Variants in ALPK1 observed in about 807,000 individuals in gnomAD.
ALPK1 encodes alpha-protein kinase 1.
Under a neutral mutation model 120.6 loss-of-function variants are expected in ALPK1, and 110 were observed. That is an observed-to-expected ratio of 0.91 (90% confidence interval 0.78 to 1.07). ALPK1 has a LOEUF of 1.07. Ranked by LOEUF, ALPK1 falls within the 50% of genes least tolerant of loss-of-function variation. The probability of loss-of-function intolerance (pLI) is 0.00; values close to 1 mark genes in which losing one functional copy is unlikely to be tolerated. For missense variants in ALPK1, 1,498 were observed against 1,483.9 expected, an observed-to-expected ratio of 1.01 and a Z score of -0.16; for synonymous variants, 582 against 560.3, an observed-to-expected ratio of 1.04 and a Z score of -0.55.
At chr4:112,421,261 A>G (rs1045053799) in intron 5 of ALPK1, among the ~76,000 whole-genome samples, 9 of 152,198 alleles carry the variant, frequency 5.9e-5, no homozygotes, top group African/African-American at 1.9e-4. Context: ...TCCTTTAAAT[A>G]CTTTCTAGCT....
chr4:112,354,087 T>C (rs1418976529), intron 2 of ALPK1, among the ~76,000 whole-genome samples: 1 of 152,202 alleles, frequency 6.6e-6, no homozygotes, highest in Non-Finnish European at 1.5e-5. Flanking sequence ...AGAAATTCTT[T>C]ATATATTCAG....
intron 4 of ALPK1, chr4:112,384,576 T>C (rs1173318378): frequency 1.3e-5 from 2 of 152,248 alleles, no homozygotes; most frequent in Admixed American, 1.3e-4. Context: ...TCATCTGAAA[T>C]CTGGTCAGAA....
chr4:112,361,094 AC>A (rs370257151), intron 2 of ALPK1, among the ~76,000 whole-genome samples: 215 of 152,320 alleles, frequency 1.4e-3, no homozygotes, highest in African/African-American at 4.8e-3. Context: ...AGGAGGCAGG[AC>A]TAACTTGCAG....
At chr4:112,319,003 T>C (rs530829744) in intron 2 of ALPK1, among the ~76,000 whole-genome samples, 18 of 152,282 alleles carry the variant, frequency 1.2e-4, no homozygotes, top group Admixed American at 2.6e-4. Context: ...TAGGCAACAA[T>C]GAGCCAGGAG....
chr4:112,424,939 A>G (rs1375036248), intron 6 of ALPK1: 3 of 152,232 alleles, frequency 2.0e-5, no homozygotes, highest in African/African-American at 7.2e-5. Context: ...TTTGCCTCAC[A>G]CTGGACAGTC....
At chr4:112,440,507 G>A (rs551862011) in intron 14 of ALPK1, among the ~76,000 whole-genome samples, 2 of 141,242 alleles carry the variant, frequency 1.4e-5, no homozygotes, top group East Asian at 4.5e-4. Context: ...TAGAGTGTCT[G>A]CACTCAATAA....
Position 112,431,357 on chromosome 4 carries a change from G to C in ALPK1, c.1810G>C (p.Asp604His). The C allele has an allele frequency of 6.2e-7, 1 of 1,614,196 alleles. No homozygotes were observed. The change falls in exon 11 of 16, where the codon GAC (aspartate) becomes CAC (histidine). Residue 604 changes from aspartate to histidine, a missense_variant. Asp to His is a moderately conservative substitution (Grantham distance 81, BLOSUM62 -1). Transcript: ENST00000650871. ...GGAGGAAGTGAATTATCACGTTGAC[G>C]ACAGGTCAGCCAGAAAAGAGCCTGG... is the stretch of plus-strand genomic sequence containing the variant. ...SWEEVNYHVD[D>H]RSARKEPGKE...
intron 11 of ALPK1, among the ~76,000 whole-genome samples, chr4:112,433,374 A>C (rs1734659817): frequency 6.6e-6 from 1 of 152,194 alleles, no homozygotes; most frequent in Non-Finnish European, 1.5e-5. Context: ...GAGGGCACTC[A>C]TCCCATCTAT....
At chr4:112,306,292 T>C (rs1222294887) in intron 1 of ALPK1, among the ~76,000 whole-genome samples, 1 of 152,098 alleles carries the variant, frequency 6.6e-6, no homozygotes, top group Non-Finnish European at 1.5e-5. Flanking sequence ...TTCCCTCTTT[T>C]TCTATTGATT....
chr4:112,319,894 G>A lies in ALPK1; in HGVS notation c.-101+4042G>A, dbSNP rs191502690. Among the ~76,000 whole-genome samples the A allele has an allele frequency of 2.2e-3, 342 of 152,206 alleles. 1 individual carries two copies. Among genetic ancestry groups the A allele is most frequent in the African/African-American group, 7.1e-3 (294 of 41,526 alleles). On this transcript the variant is annotated intron_variant, in intron 2 of 15. Transcript: ENST00000650871. ...TACTGATTTTGTGTACATTAATTTT[G>A]TATCCTGAAACTTTACTTAATTCAT... is the stretch of plus-strand genomic sequence containing the variant.
At chr4:112,408,325 A>T (rs751035261) in intron 4 of ALPK1, among the ~76,000 whole-genome samples, 2 of 152,230 alleles carry the variant, frequency 1.3e-5, no homozygotes, top group Non-Finnish European at 2.9e-5. Context: ...CTGAAGATAC[A>T]AAACAAAGGA....
intron 14 of ALPK1, 96 bp from the exon 15 acceptor site, chr4:112,440,821 G>A: frequency 6.7e-7 from 1 of 1,491,230 alleles, no homozygotes; most frequent in Non-Finnish European, 8.9e-7. Context: ...AAGTGTGTGT[G>A]TGTGTGTGTG....
Position 112,430,479 on chromosome 4 carries a change from G to A in ALPK1, c.932G>A (p.Ser311Asn). 6.2e-7 allele frequency: 1 copy of A among 1,611,976 alleles called. No homozygotes were observed. The highest frequency in any genetic ancestry group is 1.1e-5 in the South Asian group (1 of 90,848). ...CGTGGCACGTGTTTATTGTCCTACA[G>A]TAGTTCAAATGACTGTCCTCCAGAA... ...NIRGTCLLSY[S>N]SSNDCPPELK... The change falls in exon 11 of 16, where the codon AGT becomes AAT. Residue 311 changes from serine to asparagine, a missense_variant. By Grantham distance (46) the Ser-to-Asn change is conservative. Coordinates refer to ENST00000650871, the MANE Select transcript of ALPK1 (RefSeq NM_025144.4).
chr4:112,361,122 C>T (rs1730892417), intron 2 of ALPK1, among the ~76,000 whole-genome samples: 1 of 151,826 alleles, frequency 6.6e-6, no homozygotes, highest in South Asian at 2.1e-4. Flanking sequence ...CTCAGATGGA[C>T]AGAACAGCAT....
At chr4:112,361,786 A>G (rs1199776584) in intron 2 of ALPK1, among the ~76,000 whole-genome samples, 3 of 152,162 alleles carry the variant, frequency 2.0e-5, no homozygotes, top group African/African-American at 7.2e-5. Context: ...ACGAACACAA[A>G]ACCGGTGCAC....
At position 112,315,832 on chromosome 4, in the gene ALPK1, T is replaced by C. The variant is rs879903354; in HGVS notation, c.-121T>C. On this transcript the variant is annotated 5_prime_UTR_variant, in exon 2 of 16. Coordinates refer to ENST00000650871, the MANE Select transcript of ALPK1 (RefSeq NM_025144.4). ...CTTCTAAATCAGGAATGGATTGAAA[T>C]CTAATGAACCGAAACTTTGGGTAAG... The C allele has an allele frequency of 9.2e-5, 14 of 152,220 alleles. No homozygotes were observed. The highest frequency in any genetic ancestry group is 1.6e-4 in the Non-Finnish European group (11 of 68,030). 9.4% of individuals were successfully genotyped at this position (152,220 alleles called of 1,614,324 possible).
chr4:112,302,953 G>A (rs532395844), intron 1 of ALPK1, among the ~76,000 whole-genome samples: 1 of 152,184 alleles, frequency 6.6e-6, no homozygotes, highest in South Asian at 2.1e-4. Flanking sequence ...CAAACACAAA[G>A]GCTGCTTTTT....
Position 112,432,531 on chromosome 4 carries a change from G to A in ALPK1, c.2984G>A (p.Arg995Lys). ...AGVRHDWLFQ[R>K]LENTGVFKPS... Reference sequence around the variant, plus strand: ...GTGAGGCATGATTGGCTGTTTCAGAGACTAGAGAATACGGGGGTTTTTAAG... The same window carrying A: ...GTGAGGCATGATTGGCTGTTTCAGAAACTAGAGAATACGGGGGTTTTTAAG... Residue 995 changes from arginine to lysine, a missense_variant, in exon 11 of 16, where the codon AGA (arginine) becomes AAA (lysine). Transcript: ENST00000650871. 1.9e-6 allele frequency: 3 copies of A among 1,614,136 alleles called. No individual in the cohort carries two copies. The highest frequency in any genetic ancestry group is 2.5e-6 in the Non-Finnish European group (3 of 1,180,036).
At chr4:112,379,333 T>TTCCTCATG (rs1405987334) in intron 3 of ALPK1, among the ~76,000 whole-genome samples, 1 of 152,226 alleles carries the variant, frequency 6.6e-6, no homozygotes, top group African/African-American at 2.4e-5. Context: ...TCAGGTAAGC[T>TTCCTCATG]GCTTGGGGAA....
Sources: gnomAD v4.1 joint callset for allele counts (sites outside exome capture counted in the v4.1 genomes callset) on GRCh38, gnomAD v4.1.1 for gene constraint, MANE v1.5 for transcripts, NCBI Gene and HGNC (gene_info 2026-07-23, HGNC 2026-07-21) for gene names.